The following DAB1 variants were observed in gnomAD, a reference collection of about 807,000 sequenced individuals.
The protein encoded by DAB1 is DAB adaptor protein 1.
A neutral mutation model predicts 64.6 loss-of-function variants in DAB1; 15 were observed. The observed-to-expected ratio is 0.23, with a 90% CI of 0.16 to 0.36. The LOEUF (loss-of-function observed/expected upper bound fraction) is 0.36. DAB1 is among the 10% of genes least tolerant of loss of function. DAB1 has a pLI of 1.00. For synonymous variants in DAB1, 235 were observed against 251.9 expected, an observed-to-expected ratio of 0.93 and a Z score of 0.64; for missense variants, 596 against 706.7, an observed-to-expected ratio of 0.84 and a Z score of 1.78.
intron 4 of DAB1, among the ~76,000 whole-genome samples, chr1:57,085,725 CA>C (rs1186953184): frequency 6.6e-6 from 1 of 152,204 alleles, no homozygotes; most frequent in African/African-American, 2.4e-5. Flanking sequence ...AAAGTGCTCC[CA>C]TGTTCGTTTT....
At chr1:58,001,563 A>G (rs112959656) in intron 5 of DAB1, among the ~76,000 whole-genome samples, 1 of 152,160 alleles carries the variant, frequency 6.6e-6, no homozygotes, top group Non-Finnish European at 1.5e-5. Flanking sequence ...CCCAGCTGAA[A>G]AGGCCCTTTT....
At chr1:56,998,883 C>T (rs560909135) in intron 14 of DAB1, among the ~76,000 whole-genome samples, 12 of 152,248 alleles carry the variant, frequency 7.9e-5, no homozygotes, top group African/African-American at 2.6e-4. Flanking sequence ...AAACAGCGTT[C>T]GGCCCTATTT....
chr1:57,287,842 C>T (rs904729864), intron 2 of DAB1, among the ~76,000 whole-genome samples: 3 of 150,716 alleles, frequency 2.0e-5, no homozygotes, highest in Non-Finnish European at 4.4e-5. Context: ...GTCACCCAGG[C>T]TGGAGGGCAA....
chr1:57,473,911 C>T (rs1272089479), intron 7 of DAB1, among the ~76,000 whole-genome samples: 2 of 152,004 alleles, frequency 1.3e-5, no homozygotes, highest in Non-Finnish European at 2.9e-5. Context: ...GTGCCCATAG[C>T]GGAGACACAA....
At position 57,273,257 on chromosome 1, in the gene DAB1, C is replaced by T. The variant is rs561998284; in HGVS notation, c.67+17707G>A. Among the ~76,000 whole-genome samples, 16 of 152,278 alleles carry T rather than the reference C, an allele frequency of 1.1e-4. 1 individual carries two copies. In the South Asian group the frequency reaches 1.2e-3, roughly 12 times the overall value. On this transcript the variant is annotated intron_variant, in intron 2 of 14. Transcript: ENST00000371236. ...ATGTGGGAGTCACGAGAATGCACCT[C>T]GCCAACCTCCCCTAACAGGGAAAGG...
At chr1:57,778,141 C>G (rs1220592848) in intron 6 of DAB1, among the ~76,000 whole-genome samples, 5 of 152,004 alleles carry the variant, frequency 3.3e-5, no homozygotes, top group Non-Finnish European at 1.5e-5. Flanking sequence ...AAGTGGGCTT[C>G]TGCCGTATGC....
chr1:57,000,740 G>A (rs1343964533), intron 14 of DAB1, among the ~76,000 whole-genome samples: 6 of 152,172 alleles, frequency 3.9e-5, no homozygotes, highest in Non-Finnish European at 8.8e-5. Context: ...CTGGATAGAT[G>A]TTCTCAGCTC....
intron 5 of DAB1, among the ~76,000 whole-genome samples, chr1:58,045,264 C>T (rs1464223822): frequency 1.3e-5 from 2 of 152,150 alleles, no homozygotes; most frequent in East Asian, 1.9e-4. Context: ...AACCCCACTC[C>T]GACGGGTCTG....
chr1:57,142,598 T>TCTCACA (rs1553147849), intron 3 of DAB1, among the ~76,000 whole-genome samples: 4 of 142,708 alleles, frequency 2.8e-5, no homozygotes, highest in East Asian at 2.1e-4. Flanking sequence ...TCACTGCAGG[T>TCTCACA]CACACACACA....
intron 6 of DAB1, among the ~76,000 whole-genome samples, chr1:57,768,197 A>AG (rs11404664): frequency 6.7e-6 from 1 of 149,290 alleles, no homozygotes; most frequent in Non-Finnish European, 1.5e-5. Context: ...AAAAAAAAAA[A>AG]GTTGAGGTGC....
intron 3 of DAB1, among the ~76,000 whole-genome samples, chr1:58,377,442 T>C (rs1286384732): frequency 7.2e-6 from 1 of 139,672 alleles, no homozygotes; most frequent in Non-Finnish European, 1.6e-5. Context: ...CTTATGAAGC[T>C]TAGTTTGGCT....
chr1:58,199,029 C>A (rs1167341993), intron 4 of DAB1, among the ~76,000 whole-genome samples: 1 of 152,176 alleles, frequency 6.6e-6, no homozygotes, highest in African/African-American at 2.4e-5. Flanking sequence ...ATCGCTTAAA[C>A]CTGGGAGGCA....
intron 6 of DAB1, among the ~76,000 whole-genome samples, chr1:57,668,764 C>CT: frequency 6.6e-6 from 1 of 152,198 alleles, no homozygotes; most frequent in African/African-American, 2.4e-5. Context: ...AGATAAGCAA[C>CT]TTTAAAATTT....
intron 3 of DAB1, among the ~76,000 whole-genome samples, chr1:58,401,252 G>A (rs998108695): frequency 1.3e-5 from 2 of 152,168 alleles, no homozygotes; most frequent in East Asian, 1.9e-4. Context: ...CCTCCACCCT[G>A]TGCCATTACA....
intron 6 of DAB1, among the ~76,000 whole-genome samples, chr1:57,711,365 T>A (rs1647027292): frequency 6.6e-6 from 1 of 152,196 alleles, no homozygotes; most frequent in Non-Finnish European, 1.5e-5. Context: ...AATCCCTCCC[T>A]TTGGATTTCA....
intron 7 of DAB1, among the ~76,000 whole-genome samples, chr1:57,534,403 T>G (rs894762024): frequency 6.6e-6 from 1 of 152,182 alleles, no homozygotes; most frequent in Non-Finnish European, 1.5e-5. Context: ...TTAAATCCTG[T>G]TGCAGCTCTT....
At chr1:58,308,066 T>C (rs1397795378) in intron 4 of DAB1, among the ~76,000 whole-genome samples, 1 of 152,150 alleles carries the variant, frequency 6.6e-6, no homozygotes, top group Non-Finnish European at 1.5e-5. Flanking sequence ...TATTCTGCAG[T>C]GCAAATTCTG....
chr1:57,584,806 C>T (rs1443471259), intron 7 of DAB1, among the ~76,000 whole-genome samples: 1 of 152,142 alleles, frequency 6.6e-6, no homozygotes, highest in African/African-American at 2.4e-5. Context: ...GTATGGATAT[C>T]TCCATTATTA....
intron 1 of DAB1, among the ~76,000 whole-genome samples, chr1:57,324,033 C>T (rs533660251): frequency 6.6e-6 from 1 of 152,302 alleles, no homozygotes; most frequent in Admixed American, 6.5e-5. Context: ...GCAAATGAAA[C>T]TGCAAAGAGC....
Sources: gnomAD v4.1 joint callset for allele counts (sites outside exome capture counted in the v4.1 genomes callset) on GRCh38, gnomAD v4.1.1 for gene constraint, MANE v1.5 for transcripts, NCBI Gene and HGNC (gene_info 2026-07-23, HGNC 2026-07-21) for gene names.